The following NAALAD2 variants were observed in gnomAD, a reference collection of about 807,000 sequenced individuals.
The protein encoded by NAALAD2 is N-acetylated-alpha-linked acidic dipeptidase 2.
NAALAD2 carries 89 observed loss-of-function variants against 95.6 expected under a neutral mutation model. That is an observed-to-expected ratio of 0.93 (90% CI 0.78 to 1.11). The LOEUF (loss-of-function observed/expected upper bound fraction) is 1.11, where lower values mean the gene tolerates loss of function less well. NAALAD2 is among the 50% of genes least tolerant of loss of function. The probability of loss-of-function intolerance (pLI) is 0.00; values close to 1 mark genes in which losing one functional copy is unlikely to be tolerated. For synonymous variants in NAALAD2, 264 were observed against 294.4 expected (o/e 0.90, Z 1.06); for missense variants, 894 against 872.4 (o/e 1.02, Z -0.31).
chr11:90,182,382 C>T (rs1952999730), intron 17 of NAALAD2, among the ~76,000 whole-genome samples: 1 of 152,088 alleles, frequency 6.6e-6, no homozygotes, highest in Non-Finnish European at 1.5e-5. Flanking sequence ...GGACCTCATT[C>T]TCCTTTGGAT....
At chr11:90,146,513 G>A (rs7926472) in intron 2 of NAALAD2, among the ~76,000 whole-genome samples, 68,215 of 150,830 alleles carry the variant, frequency 0.45, 16,475 homozygotes, top group African/African-American at 0.62. Flanking sequence ...CACCCGCCAC[G>A]ACGCCTGGCT....
chr11:90,147,255 G>C, intron 2 of NAALAD2, 75 bp from the exon 3 acceptor site: 1 of 1,135,216 alleles, frequency 8.8e-7, no homozygotes, highest in East Asian at 2.4e-5. Context: ...CATAAGTAGT[G>C]CATTTAGAAT....
At chr11:90,172,793 A>G (rs1326928632) in intron 13 of NAALAD2, among the ~76,000 whole-genome samples, 3 of 152,170 alleles carry the variant, frequency 2.0e-5, no homozygotes, top group African/African-American at 7.2e-5. Flanking sequence ...AAAATTAAGA[A>G]TAGTGGCACA....
rs541306491 is a variant in NAALAD2, at chr11:90,176,446, G to T, written c.1593+384G>T. 9.9e-5 allele frequency among the ~76,000 whole-genome samples: 15 copies of T among 152,272 alleles called. No homozygotes were observed. The South Asian group carries it at 3.1e-3, about 32-fold the overall frequency. ...GGAGAACATATTTTGGTCAAGAGGA[G>T]CATTAGGGTAAGATTCATTATTGTC... On this transcript the variant is annotated intron_variant, in intron 15 of 18. Transcript: ENST00000534061.
chr11:90,161,491 G>A (rs1047483981), intron 8 of NAALAD2, among the ~76,000 whole-genome samples: 3 of 152,096 alleles, frequency 2.0e-5, no homozygotes, highest in Non-Finnish European at 4.4e-5. Context: ...CTGGGTTCTG[G>A]GGATTCAGCA....
At chr11:90,179,564 G>A (rs1952902136) in intron 16 of NAALAD2, among the ~76,000 whole-genome samples, 1 of 152,068 alleles carries the variant, frequency 6.6e-6, no homozygotes, top group Non-Finnish European at 1.5e-5. Context: ...AATAAAATGT[G>A]TTTATATCAA....
intron 17 of NAALAD2, 50 bp from the exon 18 acceptor site, chr11:90,182,866 A>T (rs759842040): frequency 8.5e-7 from 1 of 1,183,298 alleles, no homozygotes; most frequent in Non-Finnish European, 1.2e-6. Flanking sequence ...TTATTTTTGA[A>T]GCATGATTCT....
At chr11:90,174,565 C>CA (rs1952732076) in intron 14 of NAALAD2, among the ~76,000 whole-genome samples, 1 of 151,970 alleles carries the variant, frequency 6.6e-6, no homozygotes, top group Admixed American at 6.6e-5. Context: ...GATGAAAAGA[C>CA]AAATGCTAGA....
chr11:90,175,554 G>T (rs11018895), intron 14 of NAALAD2, among the ~76,000 whole-genome samples: 24,203 of 151,978 alleles, frequency 0.16, 2,485 homozygotes, highest in African/African-American at 0.28. Context: ...TTTAAAAGTA[G>T]ATTTTTTTAT....
In NAALAD2 at chr11:90,149,102, C is replaced by A. The variant is rs1353345421; in HGVS notation, c.478C>A (p.Pro160Thr). 4.5e-6 allele frequency: 7 copies of A among 1,565,986 alleles called. No individual in the cohort carries two copies. The highest frequency in any genetic ancestry group is 3.5e-5 in the Admixed American group (2 of 57,416). The change falls in exon 4 of 19, where the codon CCA (proline) becomes ACA (threonine). Residue 160 changes from proline (P) to threonine (T), a missense_variant. Pro to Thr is a conservative substitution (Grantham distance 38). Coordinates refer to ENST00000534061, the MANE Select transcript of NAALAD2 (RefSeq NM_005467.4). ...PYNAFSAQGM[P>T]EGDLVYVNYA... ...TAATGCTTTCTCAGCCCAAGGCATG[C>A]CAGAGGTAAAATAAAATACTTTTGT...
intron 18 of NAALAD2, among the ~76,000 whole-genome samples, chr11:90,188,723 C>A (rs954055980): frequency 3.3e-5 from 5 of 152,140 alleles, no homozygotes; most frequent in African/African-American, 1.2e-4. Context: ...ATAAATTTTG[C>A]AAACTTAATT....
At chr11:90,156,375 C>A (rs1952120367) in intron 6 of NAALAD2, among the ~76,000 whole-genome samples, 1 of 151,992 alleles carries the variant, frequency 6.6e-6, no homozygotes, top group African/African-American at 2.4e-5. Context: ...GTTTCTATTT[C>A]TTAGATGTCT....
At chr11:90,137,437 A>G (rs2134818523) in intron 2 of NAALAD2, among the ~76,000 whole-genome samples, 1 of 152,354 alleles carries the variant, frequency 6.6e-6, no homozygotes, top group Admixed American at 6.5e-5. Context: ...TTTGATCATT[A>G]CTTATTGTAT....
At chr11:90,185,481 G>C (rs192718840) in intron 18 of NAALAD2, among the ~76,000 whole-genome samples, 4 of 152,096 alleles carry the variant, frequency 2.6e-5, no homozygotes, top group Non-Finnish European at 5.9e-5. Flanking sequence ...GACCAGCCTG[G>C]GTAACACAGC....
chr11:90,168,022 T>TTGC (rs1427247408), intron 11 of NAALAD2, among the ~76,000 whole-genome samples: 1 of 152,146 alleles, frequency 6.6e-6, no homozygotes, highest in Non-Finnish European at 1.5e-5. Flanking sequence ...CTTTGCAATA[T>TTGC]TGCTGCTGCT....
intron 2 of NAALAD2, among the ~76,000 whole-genome samples, chr11:90,145,810 T>G (rs1443301448): frequency 1.3e-5 from 2 of 152,138 alleles, no homozygotes; most frequent in African/African-American, 4.8e-5. Context: ...TCATAATCAT[T>G]TTATGAGAAA....
intron 7 of NAALAD2, chr11:90,158,749 A>G (rs1251426871): frequency 1.2e-5 from 2 of 172,626 alleles, no homozygotes; most frequent in African/African-American, 4.8e-5. Context: ...TAAACAAACA[A>G]TTATTGTATT....
intron 2 of NAALAD2, among the ~76,000 whole-genome samples, chr11:90,138,809 A>G (rs935704178): frequency 1.2e-4 from 16 of 137,508 alleles, no homozygotes; most frequent in Non-Finnish European, 2.3e-4. Flanking sequence ...TCTGTCATCA[A>G]TCCTGTGAAG....
At position 90,178,930 on chromosome 11, in the gene NAALAD2, T is replaced by G. The variant is rs565936273; in HGVS notation, c.1858+813T>G. On this transcript the variant is annotated intron_variant, in intron 16 of 18. Transcript: ENST00000534061. ...GCATCTCCTATACAGCAAGGATGAC[T>G]CATAATGCAGTGTATGTAGTAGCAT... is the stretch of plus-strand genomic sequence containing the variant. Among the ~76,000 whole-genome samples, 3 of 152,334 alleles carry G rather than the reference T, an allele frequency of 2.0e-5. No individual in the cohort carries two copies. In the East Asian group the frequency reaches 5.8e-4, roughly 29 times the overall value.
Sources: allele counts gnomAD v4.1 joint callset (sites outside exome capture counted in the v4.1 genomes callset), GRCh38; gene constraint gnomAD v4.1.1; transcripts MANE v1.5; gene names NCBI Gene and HGNC (gene_info 2026-07-23, HGNC 2026-07-21).